SGIP1: variants seen among roughly 807,000 people sequenced by gnomAD.
The protein encoded by SGIP1 is SH3GL interacting endocytic adaptor 1.
A neutral mutation model predicts 107.5 loss-of-function variants in SGIP1; 38 were observed. The observed-to-expected ratio is 0.35, with a 90% CI of 0.27 to 0.46. SGIP1 has a LOEUF of 0.46. Among genes scored for constraint, SGIP1 ranks in the 20% least tolerant of loss-of-function variants. The pLI is 1.00. For synonymous variants in SGIP1, 365 were observed against 366.1 expected (o/e 1.00, Z 0.03); for missense variants, 929 against 1,019.5 (o/e 0.91, Z 1.21).
In SGIP1 at chr1:66,739,416, A is replaced by G. The variant is rs372222945; in HGVS notation, c.2113A>G (p.Ile705Val). ...TGAGCCTTCAAGCACTGACCTGCGC[A>G]TAGATTACAAATATAATACAGATGC... ...RCEPSSTDLR[I>V]DYKYNTDAMT... The change falls in exon 22 of 25, where the codon ATA becomes GTA. Residue 705 changes from isoleucine to valine, a missense_variant. Transcript: ENST00000371037. The G allele has an allele frequency of 3.7e-6, 6 of 1,613,992 alleles. No individual in the cohort carries two copies. The African/African-American group carries it at 6.7e-5, about 18-fold the overall frequency.
At chr1:66,729,161 T>A in intron 19 of SGIP1, 103 bp from the exon 20 acceptor site, 1 of 1,302,546 alleles carries the variant, frequency 7.7e-7, no homozygotes, top group Non-Finnish European at 1.1e-6. Flanking sequence ...TTATCTCTTC[T>A]GCTATTTAAC....
In SGIP1 at chr1:66,596,439, G is replaced by A. The variant is rs192214986; in HGVS notation, c.11-29408G>A. On this transcript the variant is annotated intron_variant, in intron 1 of 24. Transcript: ENST00000371037. ...GTGCTGATTGGTTTGTGAGTATGCTGACAGGGTAAAGCAAAGACATCACTC... is the reference window on the plus strand; with the variant it reads ...GTGCTGATTGGTTTGTGAGTATGCTAACAGGGTAAAGCAAAGACATCACTC... Among the ~76,000 whole-genome samples the A allele has an allele frequency of 8.5e-4, 130 of 152,154 alleles. 2 individuals carry two copies. The highest frequency in any genetic ancestry group is 4.3e-4 in the Non-Finnish European group (29 of 68,024).
At chr1:66,554,473 C>A (rs1246567073) in intron 1 of SGIP1, among the ~76,000 whole-genome samples, 3 of 152,036 alleles carry the variant, frequency 2.0e-5, no homozygotes, top group African/African-American at 7.2e-5. Flanking sequence ...AATCTGAAAT[C>A]CAAAATGCCT....
chr1:66,604,331 G>A (rs1385320406), intron 1 of SGIP1, among the ~76,000 whole-genome samples: 1 of 152,136 alleles, frequency 6.6e-6, no homozygotes, highest in Non-Finnish European at 1.5e-5. Flanking sequence ...AAAGGAAGAT[G>A]CCGAAATAAT....
intron 2 of SGIP1, among the ~76,000 whole-genome samples, chr1:66,627,408 G>T (rs2073117608): frequency 6.6e-6 from 1 of 152,120 alleles, no homozygotes; most frequent in African/African-American, 2.4e-5. Context: ...GGGGTTACAG[G>T]TAAATGTGAT....
chr1:66,533,732 AATT>A (rs1359943221), upstream of SGIP1: 1 of 152,818 alleles, frequency 6.5e-6, no homozygotes, highest in African/African-American at 2.4e-5. Flanking sequence ...GGCTGCACGG[AATT>A]ATTAAGTTTT....
chr1:66,628,972 ATGAACTCCCTAATGCTTTCG>A (rs1558126467), intron 2 of SGIP1, among the ~76,000 whole-genome samples: 1 of 152,224 alleles, frequency 6.6e-6, no homozygotes, highest in Non-Finnish European at 1.5e-5. Context: ...TTTGCTTTTC[ATGAACTCCCTAATGCTTTCG>A]TGAACTCTGT....
intron 14 of SGIP1, 110 bp from the exon 15 acceptor site, chr1:66,681,759 C>T (rs528779470): frequency 3.6e-6 from 4 of 1,096,454 alleles, no homozygotes; most frequent in African/African-American, 3.2e-5. Context: ...GAAGTATGCC[C>T]ACTGAGGCAC....
intron 15 of SGIP1, chr1:66,684,250 T>C: frequency 6.5e-7 from 1 of 1,548,670 alleles, no homozygotes; most frequent in South Asian, 1.2e-5. Context: ...TTGTAAGGTT[T>C]GGTCATAAAT....
At chr1:66,740,526 G>A in intron 22 of SGIP1, 132 bp from the exon 23 acceptor site, 4 of 662,614 alleles carry the variant, frequency 6.0e-6, no homozygotes, top group South Asian at 5.2e-5. Flanking sequence ...AGAGAGACAG[G>A]GAATTTTTAA....
chr1:66,671,692 T>A (rs1034887835), intron 10 of SGIP1, among the ~76,000 whole-genome samples: 2 of 152,182 alleles, frequency 1.3e-5, no homozygotes, highest in African/African-American at 4.8e-5. Context: ...ACTATACAAA[T>A]CTTCTATTTG....
At chr1:66,667,230 T>A (rs1353950160) in intron 8 of SGIP1, among the ~76,000 whole-genome samples, 4 of 152,128 alleles carry the variant, frequency 2.6e-5, no homozygotes, top group African/African-American at 9.7e-5. Context: ...ACATTAAACA[T>A]TGTCAGTAAA....
intron 11 of SGIP1, 126 bp from the exon 12 acceptor site, chr1:66,673,155 G>A (rs1172984618): frequency 4.6e-6 from 4 of 875,696 alleles, no homozygotes; most frequent in African/African-American, 3.3e-5. Flanking sequence ...GTATACACAT[G>A]CATGCATGCA....
chr1:66,538,437 T>C (rs1018566903), intron 1 of SGIP1, among the ~76,000 whole-genome samples: 1 of 152,162 alleles, frequency 6.6e-6, no homozygotes, highest in Non-Finnish European at 1.5e-5. Context: ...TCTTTAGATA[T>C]ATATGTTCCC....
intron 23 of SGIP1, 49 bp downstream of exon 23, chr1:66,740,771 C>A: frequency 7.5e-7 from 1 of 1,328,574 alleles, no homozygotes; most frequent in Non-Finnish European, 1.1e-6. Flanking sequence ...GCTAAAATGG[C>A]TTTAGGTATT....
At chr1:66,692,644 G>A (rs2090118817) in intron 17 of SGIP1, among the ~76,000 whole-genome samples, 1 of 152,206 alleles carries the variant, frequency 6.6e-6, no homozygotes, top group African/African-American at 2.4e-5. Context: ...GAGGGAGGTA[G>A]AGAATTTCAG....
At chr1:66,633,186 A>C (rs2075141430) in intron 3 of SGIP1, 92 bp downstream of exon 3, 1 of 832,876 alleles carries the variant, frequency 1.2e-6, no homozygotes, top group Non-Finnish European at 2.0e-6. Flanking sequence ...CCTGTAGGGA[A>C]AAAAATAGCT....
At chr1:66,709,051 C>G (rs765264973) in intron 18 of SGIP1, among the ~76,000 whole-genome samples, 14 of 150,550 alleles carry the variant, frequency 9.3e-5, no homozygotes, top group Non-Finnish European at 1.9e-4. Context: ...GGGATACATG[C>G]GCAGAGTTCT....
chr1:66,702,701 A>C (rs1456115021), intron 18 of SGIP1, among the ~76,000 whole-genome samples: 1 of 152,170 alleles, frequency 6.6e-6, no homozygotes, highest in Non-Finnish European at 1.5e-5. Flanking sequence ...TATCTCTATC[A>C]GACTCACTGA....
Sources: gnomAD v4.1 joint callset for allele counts (sites outside exome capture counted in the v4.1 genomes callset) on GRCh38, gnomAD v4.1.1 for gene constraint, MANE v1.5 for transcripts, NCBI Gene and HGNC (gene_info 2026-07-23, HGNC 2026-07-21) for gene names.